ANKRD30B: variants seen among roughly 807,000 people sequenced by gnomAD.
The protein encoded by ANKRD30B is ankyrin repeat domain-containing protein 30B.
In ANKRD30B, 144 loss-of-function variants were observed where a neutral mutation model predicts 202.2. The observed-to-expected ratio is 0.71, with a 90% confidence interval of 0.62 to 0.82. The LOEUF (loss-of-function observed/expected upper bound fraction) is 0.82, where lower values mean the gene tolerates loss of function less well. Among genes scored for constraint, ANKRD30B ranks in the 40% least tolerant of loss-of-function variants. The pLI, the probability that ANKRD30B is intolerant of heterozygous loss-of-function variation, is 0.00. For synonymous variants in ANKRD30B, 508 were observed against 561.3 expected (o/e 0.91, Z 1.34); for missense variants, 1,487 against 1,669.1 (o/e 0.89, Z 1.90).
chr18:14,849,718 G>A (rs1971804101), intron 40 of ANKRD30B, among the ~76,000 whole-genome samples: 1 of 151,496 alleles, frequency 6.6e-6, no homozygotes, highest in Non-Finnish European at 1.5e-5. Context: ...ACACATATTA[G>A]ACTCTTTAAT....
chr18:14,878,516 G>A, the ANKRD30B span, among the ~76,000 whole-genome samples: 1 of 151,926 alleles, frequency 6.6e-6, no homozygotes, highest in African/African-American at 2.4e-5. Context: ...AAAGCAAGAG[G>A]AGGGCAAACA....
At position 14,822,448 on chromosome 18, in the gene ANKRD30B, C is replaced by T. The variant is rs111358183; in HGVS notation, c.2642-35C>T. On this transcript the variant is annotated intron_variant, in intron 30 of 43. Coordinates refer to ENST00000690538, the MANE Select transcript of ANKRD30B (RefSeq NM_001367607.2). ...TGTTTGGTAGACTTTGACAGGCTTG[C>T]GTATAATCAATTATATATGTCCCTT... 2.5e-4 allele frequency: 288 copies of T among 1,132,910 alleles called. No individual in the cohort carries two copies. In the African/African-American group the frequency reaches 3.6e-3, roughly 14 times the overall value. The allele number at this position is 1,132,910 out of a possible 1,614,324, so 70.2% of individuals were successfully genotyped here. A position where few individuals can be genotyped will look rare whatever the true frequency, so the allele number is the denominator to read the frequency against.
chr18:14,873,524 CAA>C, the ANKRD30B span, among the ~76,000 whole-genome samples: 3,201 of 90,716 alleles, frequency 0.035, 116 homozygotes, highest in African/African-American at 0.12. Context: ...GACTCCGTTT[CAA>C]AAAAAAAAAA....
In ANKRD30B at chr18:14,799,118, G is replaced by A; in HGVS notation, c.2047G>A (p.Gly683Ser). ...TLKAESPDND[G>S]LLKPTCGRKV... ...TCTTTTAGAGTCTCCTGATAATGAT[G>A]GTCTTCTGAAGGTAATAACTTTTAT... Residue 683 changes from glycine (G) to serine (S), a missense_variant, in exon 21 of 44, where the codon GGT (glycine) becomes AGT (serine). Around this residue, in one of 6 missense-constraint regions of ANKRD30B, gnomAD observed 889 missense variants for 841.4 expected, o/e 1.06. Coordinates refer to ENST00000690538, the MANE Select transcript of ANKRD30B (RefSeq NM_001367607.2). 6.3e-7 allele frequency: 1 copy of A among 1,576,772 alleles called. No individual in the cohort carries two copies. The highest frequency in any genetic ancestry group is 2.2e-5 in the East Asian group (1 of 44,466).
the ANKRD30B span, among the ~76,000 whole-genome samples, chr18:14,880,566 G>GTTTTTTTTTTTTTTTTTTTTTTTTTGTTT: frequency 7.8e-6 from 1 of 128,758 alleles, no homozygotes; most frequent in Non-Finnish European, 1.6e-5. Context: ...TTCTTTCTTG[G>GTTTTTTTTTTTTTTTTTTTTTTTTTGTTT]TTTTTTTTTT....
At chr18:14,892,510 A>G in the ANKRD30B span, among the ~76,000 whole-genome samples, 1 of 152,176 alleles carries the variant, frequency 6.6e-6, no homozygotes, top group East Asian at 1.9e-4. Context: ...AGGCTGAGTC[A>G]GGCAGATCAC....
At chr18:14,786,251 T>A (rs1045576019) in intron 14 of ANKRD30B, among the ~76,000 whole-genome samples, 2 of 152,180 alleles carry the variant, frequency 1.3e-5, no homozygotes, top group Non-Finnish European at 2.9e-5. Flanking sequence ...TTTTCTGTCT[T>A]ATGTGCCTGA....
the ANKRD30B span, among the ~76,000 whole-genome samples, chr18:14,937,448 A>G: frequency 3.1e-5 from 2 of 64,650 alleles, no homozygotes; most frequent in Admixed American, 1.5e-4. Flanking sequence ...GGAGAGCAGC[A>G]GGGGCTGCAT....
intron 15 of ANKRD30B, among the ~76,000 whole-genome samples, chr18:14,787,848 G>C (rs1371233506): frequency 6.6e-6 from 1 of 152,064 alleles, no homozygotes; most frequent in African/African-American, 2.4e-5. Context: ...AACAGCAAAG[G>C]GTTGAAGTCC....
chr18:14,886,633 C>T, the ANKRD30B span, among the ~76,000 whole-genome samples: 2 of 151,986 alleles, frequency 1.3e-5, no homozygotes, highest in Non-Finnish European at 2.9e-5. Flanking sequence ...TCTGTGTAGT[C>T]ATGTTTTATC....
At chr18:14,866,113 C>T in the ANKRD30B span, among the ~76,000 whole-genome samples, 5 of 152,198 alleles carry the variant, frequency 3.3e-5, no homozygotes, top group African/African-American at 9.7e-5. Flanking sequence ...CTCACCCAAT[C>T]GGAACATGTA....
At chr18:14,750,824 C>T (rs1408924744) in intron 1 of ANKRD30B, among the ~76,000 whole-genome samples, 2 of 152,060 alleles carry the variant, frequency 1.3e-5, no homozygotes, top group Non-Finnish European at 2.9e-5. Context: ...TTTGATTATA[C>T]ATACAGACTA....
chr18:14,825,673 A>AT (rs1232819703), intron 32 of ANKRD30B, among the ~76,000 whole-genome samples: 2 of 151,850 alleles, frequency 1.3e-5, no homozygotes, highest in Admixed American at 1.3e-4. Context: ...TATCTTTATA[A>AT]TTTTTTTAAC....
intron 5 of ANKRD30B, among the ~76,000 whole-genome samples, chr18:14,760,028 C>A (rs1407323856): frequency 1.3e-5 from 2 of 152,180 alleles, no homozygotes; most frequent in Admixed American, 1.3e-4. Flanking sequence ...AGGCATGAGC[C>A]ATTGCACCAG....
chr18:14,781,552 T>A (rs927665730), intron 11 of ANKRD30B, among the ~76,000 whole-genome samples: 4 of 152,280 alleles, frequency 2.6e-5, no homozygotes, highest in Non-Finnish European at 5.9e-5. Flanking sequence ...GCATCATTTT[T>A]AACACTAAAT....
chr18:14,871,326 G>A, the ANKRD30B span, among the ~76,000 whole-genome samples: 8 of 149,022 alleles, frequency 5.4e-5, no homozygotes, highest in African/African-American at 1.7e-4. Context: ...CTCTTGGCAG[G>A]TTGGTCATGG....
the ANKRD30B span, among the ~76,000 whole-genome samples, chr18:14,931,585 C>A: frequency 1.3e-4 from 19 of 151,952 alleles, no homozygotes; most frequent in Admixed American, 5.9e-4. Context: ...ACAGAGGAGG[C>A]TACAGTGTGT....
chr18:14,854,818 A>T (rs1355074468), downstream of ANKRD30B, among the ~76,000 whole-genome samples: 1 of 144,068 alleles, frequency 6.9e-6, no homozygotes, highest in Admixed American at 7.2e-5. Flanking sequence ...GTTAGCTAGG[A>T]GAAACTATCC....
intron 14 of ANKRD30B, among the ~76,000 whole-genome samples, chr18:14,785,625 G>A (rs1341672960): frequency 6.6e-6 from 1 of 152,174 alleles, no homozygotes; most frequent in Non-Finnish European, 1.5e-5. Flanking sequence ...TAGAGCTATG[G>A]TGTGGCAACA....
Sources: gnomAD v4.1 joint callset for allele counts (sites outside exome capture counted in the v4.1 genomes callset) on GRCh38, gnomAD v4.1.1 for gene constraint, gnomAD v4.1.1 regional missense constraint, MANE v1.5 for transcripts, NCBI Gene and HGNC (gene_info 2026-07-23, HGNC 2026-07-21) for gene names.